The following RCOR1 variants were observed in gnomAD, a reference collection of about 807,000 sequenced individuals.
RCOR1 encodes the protein REST corepressor.
In RCOR1, 12 loss-of-function variants were observed where a neutral mutation model predicts 64.0. That is an observed-to-expected ratio of 0.19 (90% CI 0.12 to 0.30). The LOEUF (loss-of-function observed/expected upper bound fraction) is 0.30, where lower values mean the gene tolerates loss of function less well. RCOR1 is among the 10% of genes least tolerant of loss of function. The pLI, the probability that RCOR1 is intolerant of heterozygous loss-of-function variation, is 1.00. For synonymous variants in RCOR1, 279 were observed against 227.2 expected (o/e 1.23, Z -2.05); for missense variants, 502 against 621.2 (o/e 0.81, Z 2.04).
intron 2 of RCOR1, among the ~76,000 whole-genome samples, chr14:102,614,031 G>T (rs2139892359): frequency 6.6e-6 from 1 of 151,600 alleles, no homozygotes; most frequent in South Asian, 2.1e-4. Context: ...AAGCAGCTGG[G>T]ATTACAGGCA....
At position 102,722,402 on chromosome 14, in the gene RCOR1, G is replaced by A. The variant is rs1274761645; in HGVS notation, c.1405G>A (p.Glu469Lys). Residue 469 changes from glutamate to lysine, a missense_variant, in exon 11 of 12, where the codon GAA (glutamate) becomes AAA (lysine). By Grantham distance (56) the Glu-to-Lys change is moderately conservative. Around this residue, in one of 2 missense-constraint regions of RCOR1, gnomAD observed 260 missense variants for 416.4 expected, o/e 0.62. Transcript: ENST00000262241. ...KSPDNSIKMP[E>K]EEDEAPVLDV... ...CCCAGATAATTCCATTAAGATGCCC[G>A]AAGAGGAAGACGAGGTAAATCTGAA... is the stretch of plus-strand genomic sequence containing the variant. The A allele has an allele frequency of 2.5e-6, 4 of 1,612,104 alleles. No individual in the cohort carries two copies. The highest frequency in any genetic ancestry group is 2.7e-5 in the African/African-American group (2 of 74,912).
intron 3 of RCOR1, among the ~76,000 whole-genome samples, chr14:102,692,356 A>G (rs920943985): frequency 3.3e-5 from 5 of 151,868 alleles, no homozygotes; most frequent in African/African-American, 1.2e-4. Context: ...CAGTATACCT[A>G]CCCTTAGAAA....
chr14:102,598,609 G>A (rs963035093), intron 2 of RCOR1, among the ~76,000 whole-genome samples: 5 of 151,790 alleles, frequency 3.3e-5, no homozygotes, highest in Admixed American at 1.3e-4. Context: ...CACCACGCCC[G>A]GCTAATTTTT....
chr14:102,662,360 T>C (rs1012555814), intron 2 of RCOR1: 9 of 565,868 alleles, frequency 1.6e-5, no homozygotes, highest in Non-Finnish European at 2.7e-5. Flanking sequence ...ATCAATGTCA[T>C]AGAGCTTCTT....
At chr14:102,712,952 T>TG (rs1895991331) in intron 7 of RCOR1, among the ~76,000 whole-genome samples, 1 of 109,950 alleles carries the variant, frequency 9.1e-6, no homozygotes, top group Non-Finnish European at 1.8e-5. Context: ...TCATTGTTTT[T>TG]TTTTTTTTTT....
chr14:102,677,689 C>T (rs1244994126), intron 2 of RCOR1, among the ~76,000 whole-genome samples: 10 of 139,858 alleles, frequency 7.2e-5, no homozygotes, highest in African/African-American at 1.6e-4. Flanking sequence ...GGATGGCGGC[C>T]GGGCAGAGAC....
At position 102,593,390 on chromosome 14, in the gene RCOR1, C is replaced by A. The variant is rs577001098; in HGVS notation, c.361+65C>A. 2.0e-4 allele frequency: 286 copies of A among 1,429,998 alleles called. 4 individuals carry two copies. The Admixed American group carries it at 5.8e-3, about 29-fold the overall frequency. The allele number at this position is 1,429,998 out of a possible 1,614,324, so 88.6% of individuals were successfully genotyped here. ...GGGAGCCCCGGGTCCCCGGCGAGCC[C>A]GAGGGGGCGGGAGCCCGCCGACAAC... is the stretch of plus-strand genomic sequence containing the variant. On this transcript the variant is annotated intron_variant, in intron 2 of 11. Transcript: ENST00000262241.
At chr14:102,679,318 GTTTGT>G (rs1567433310) in intron 2 of RCOR1, among the ~76,000 whole-genome samples, 1 of 151,952 alleles carries the variant, frequency 6.6e-6, no homozygotes, top group Non-Finnish European at 1.5e-5. Flanking sequence ...TTAAAAAAAT[GTTTGT>G]TTTGTTTTTG....
chr14:102,666,025 A>T (rs1359130810), intron 2 of RCOR1, among the ~76,000 whole-genome samples: 6 of 152,174 alleles, frequency 3.9e-5, no homozygotes, highest in Non-Finnish European at 8.8e-5. Context: ...GTGTTATGAG[A>T]GTATTGAAGA....
rs145435986 is a variant in RCOR1, at chr14:102,719,097, T to C, written c.1054-1910T>C. Among the ~76,000 whole-genome samples the C allele has an allele frequency of 4.1e-3, 621 of 152,176 alleles. 17 individuals carry two copies. Among genetic ancestry groups the C allele is most frequent in the East Asian group, 6.8e-3 (35 of 5,178 alleles). On this transcript the variant is annotated intron_variant, in intron 8 of 11. Transcript: ENST00000262241. ...GTGAGCCACTGCACTAGCATAATTTTTTTTTGGCAGGGTCTGGCACTGTCA... is the reference window on the plus strand; with the variant it reads ...GTGAGCCACTGCACTAGCATAATTTCTTTTTGGCAGGGTCTGGCACTGTCA...
intron 3 of RCOR1, among the ~76,000 whole-genome samples, chr14:102,689,989 T>A (rs1293907284): frequency 1.3e-5 from 2 of 152,142 alleles, no homozygotes; most frequent in Non-Finnish European, 1.5e-5. Context: ...GGGATTTGCC[T>A]GCCTCAGCCT....
intron 2 of RCOR1, among the ~76,000 whole-genome samples, chr14:102,623,989 C>A (rs1456400734): frequency 6.8e-6 from 1 of 147,532 alleles, no homozygotes; most frequent in African/African-American, 2.5e-5. Flanking sequence ...GTGAGGAGAT[C>A]GAGACCATCC....
intron 2 of RCOR1, among the ~76,000 whole-genome samples, chr14:102,623,868 A>G (rs1386201753): frequency 6.6e-6 from 1 of 151,490 alleles, no homozygotes; most frequent in Non-Finnish European, 1.5e-5. Context: ...CATCCTGGCT[A>G]ACACGGTGAA....
At chr14:102,725,615 C>A (rs1425747268) in intron 11 of RCOR1, among the ~76,000 whole-genome samples, 1 of 152,038 alleles carries the variant, frequency 6.6e-6, no homozygotes, top group Non-Finnish European at 1.5e-5. Flanking sequence ...GTTCTGTTGC[C>A]CAGAGCAAGT....
At chr14:102,694,902 CAT>C (rs1459759352) in intron 3 of RCOR1, among the ~76,000 whole-genome samples, 1 of 152,158 alleles carries the variant, frequency 6.6e-6, no homozygotes, top group Non-Finnish European at 1.5e-5. Context: ...AAATTGGTGT[CAT>C]GTTTCCTCTG....
At chr14:102,633,223 A>G (rs922083581) in intron 2 of RCOR1, among the ~76,000 whole-genome samples, 1 of 152,132 alleles carries the variant, frequency 6.6e-6, no homozygotes, top group Non-Finnish European at 1.5e-5. Flanking sequence ...AGAGACTCTA[A>G]TAATCCAATA....
chr14:102,713,659 G>A (rs1236603858), intron 7 of RCOR1, among the ~76,000 whole-genome samples: 12 of 152,138 alleles, frequency 7.9e-5, no homozygotes. Context: ...ATTAAACATC[G>A]TAGTCCCATA....
Position 102,592,785 on chromosome 14 carries a change from C to T in RCOR1, c.-102C>T. The T allele has an allele frequency of 8.4e-7, 1 of 1,193,378 alleles. No homozygotes were observed. The highest frequency in any genetic ancestry group is 1.6e-5 in the African/African-American group (1 of 62,540). 73.9% of individuals were successfully genotyped at this position (1,193,378 alleles called of 1,614,324 possible). On this transcript the variant is annotated 5_prime_UTR_variant, in exon 1 of 12. Coordinates refer to ENST00000262241, the MANE Select transcript of RCOR1 (RefSeq NM_015156.4). ...CGCGCCCGTGGGCTCCCGCCGCGCC[C>T]GCCCGGCCCCGCGCCGGCCCCGCGC... is the stretch of plus-strand genomic sequence containing the variant.
rs750479606 is a variant in RCOR1, at chr14:102,593,338, CCCGG to C, written c.361+23_361+26del. The C allele has an allele frequency of 7.2e-6, 11 of 1,531,216 alleles. No homozygotes were observed. The highest frequency in any genetic ancestry group is 4.3e-5 in the African/African-American group (3 of 69,672). The allele number at this position is 1,531,216 out of a possible 1,614,324, so 94.9% of individuals were successfully genotyped here. ...GACTTCGACCCCGGTGAGTAGCGGC[CCCGG>C]CCGGCCGGCGGCGGGGATGAGCGGG... On this transcript the variant is annotated intron_variant, in intron 2 of 11. Transcript: ENST00000262241.
Sources: allele counts gnomAD v4.1 joint callset (sites outside exome capture counted in the v4.1 genomes callset), GRCh38; gene constraint gnomAD v4.1.1; regional missense constraint gnomAD v4.1.1; transcripts MANE v1.5; gene names NCBI Gene and HGNC (gene_info 2026-07-23, HGNC 2026-07-21).